Variants in KDR observed in about 807,000 individuals in gnomAD.
The protein encoded by KDR is kinase insert domain receptor.
KDR carries 43 observed loss-of-function variants against 160.9 expected under a neutral mutation model. The observed-to-expected ratio is 0.27, with a 90% CI of 0.21 to 0.34. The LOEUF (loss-of-function observed/expected upper bound fraction) is 0.34, where lower values mean the gene tolerates loss of function less well. Ranked by LOEUF, KDR falls within the 10% of genes least tolerant of loss-of-function variation. The probability of loss-of-function intolerance (pLI) is 1.00; values close to 1 mark genes in which losing one functional copy is unlikely to be tolerated. For missense variants in KDR, 1,469 were observed against 1,666.4 expected (o/e 0.88, Z 2.06); for synonymous variants, 617 against 600.1 (o/e 1.03, Z -0.41).
chr4:55,097,655 C>T lies in KDR; in HGVS notation c.2614+7G>A, dbSNP rs1480962229. On this transcript the variant is annotated splice_region_variant and intron_variant, in intron 18 of 29. Transcript: ENST00000263923. ...AAAGATAGATCACCACATAATTTTGCTTTTACCTTTCAACATTTTGACTGC... is the reference window on the plus strand; with the variant it reads ...AAAGATAGATCACCACATAATTTTGTTTTTACCTTTCAACATTTTGACTGC... The T allele has an allele frequency of 1.3e-6, 2 of 1,583,818 alleles. No homozygotes were observed. Among genetic ancestry groups the T allele is most frequent in the African/African-American group, 1.3e-5 (1 of 74,362 alleles).
intron 1 of KDR, among the ~76,000 whole-genome samples, chr4:55,124,148 TGTGA>T (rs946434449): frequency 2.0e-5 from 3 of 152,016 alleles, no homozygotes. Context: ...TGTATGTGGG[TGTGA>T]GTGTCTTCTA....
At chr4:55,122,304 T>C (rs919634426) in intron 1 of KDR, among the ~76,000 whole-genome samples, 3 of 152,170 alleles carry the variant, frequency 2.0e-5, no homozygotes, top group Admixed American at 2.0e-4. Context: ...TCCACTATGC[T>C]AGGGTCTTAA....
intron 29 of KDR, among the ~76,000 whole-genome samples, chr4:55,080,887 A>G (rs772859792): frequency 2.0e-5 from 3 of 152,224 alleles, no homozygotes; most frequent in Admixed American, 6.5e-5. Flanking sequence ...TCCCGGTAAT[A>G]GGTGTTTTCC....
At position 55,118,818 on chromosome 4, in the gene KDR, G is replaced by A. The variant is rs751730294; in HGVS notation, c.162-18C>T. 9 of 1,607,092 alleles carry A rather than the reference G, an allele frequency of 5.6e-6. No homozygotes were observed. The highest frequency in any genetic ancestry group is 7.7e-6 in the Non-Finnish European group (9 of 1,173,868). On this transcript the variant is annotated intron_variant, in intron 2 of 29. Transcript: ENST00000263923. ...TCTGTCCCCTGAAAAATTAATTTCA[G>A]GGAGGTATTAATATGAAGTGCCAGA...
chr4:55,115,897 TGGATC>T (rs1720723691), intron 3 of KDR, among the ~76,000 whole-genome samples: 1 of 152,340 alleles, frequency 6.6e-6, no homozygotes, highest in East Asian at 1.9e-4. Context: ...AATAAATGAA[TGGATC>T]CCAAAGGATC....
chr4:55,102,000 G>A lies in KDR; in HGVS notation c.2163C>T (p.Asn721=), dbSNP rs2110020722. The change falls in exon 15 of 30, where the codon AAC becomes AAT. Residue 721 remains asparagine (N), a synonymous_variant. Transcript: ENST00000263923. The part of the protein sequence containing the change: ...SGIVLKDGNR[N]LTIRRVRKED... ...CCTTCCTCACTCTGCGGATAGTGAGGTTCCGGTTCCCATCCTTCAATACAA... is the reference window on the plus strand; with the variant it reads ...CCTTCCTCACTCTGCGGATAGTGAGATTCCGGTTCCCATCCTTCAATACAA... The A allele has an allele frequency of 6.2e-7, 1 of 1,613,622 alleles. No homozygotes were observed. Among genetic ancestry groups the A allele is most frequent in the South Asian group, 1.1e-5 (1 of 91,078 alleles).
intron 22 of KDR, among the ~76,000 whole-genome samples, chr4:55,090,389 T>A (rs574942774): frequency 6.6e-6 from 1 of 152,318 alleles, no homozygotes; most frequent in South Asian, 2.1e-4. Context: ...ACATTCCTTT[T>A]ACCTGGCCCC....
chr4:55,113,245 A>C, intron 7 of KDR, 59 bp downstream of exon 7: 1 of 1,552,920 alleles, frequency 6.4e-7, no homozygotes. Flanking sequence ...AGTGACCTAA[A>C]TTTATTTAAA....
chr4:55,091,582 C>T (rs1278881828), intron 22 of KDR, among the ~76,000 whole-genome samples: 1 of 152,120 alleles, frequency 6.6e-6, no homozygotes, highest in African/African-American at 2.4e-5. Flanking sequence ...CCTCCTTCCC[C>T]TTGGGAGAGA....
rs142597120 is a variant in KDR, at chr4:55,098,180, A to G, written c.2466T>C (p.Tyr822=). The change falls in exon 17 of 30, where the codon TAT becomes TAC. Residue 822 remains tyrosine (Y), a synonymous_variant. Transcript: ENST00000263923. ...TGGGGAATTCCCATTTGCTGGCATC[A>G]TAAGGCAGTCGTTCACAATGTTCAT... ...PLDEHCERLP[Y]DASKWEFPRD... The G allele has an allele frequency of 4.7e-5, 76 of 1,614,002 alleles. 1 individual carries two copies. The African/African-American group carries it at 8.9e-4, about 19-fold the overall frequency.
chr4:55,102,458 T>C lies in KDR; in HGVS notation c.2038A>G (p.Ile680Val). 1 of 1,613,766 alleles carries C rather than the reference T, an allele frequency of 6.2e-7. No individual in the cohort carries two copies. The highest frequency in any genetic ancestry group is 8.5e-7 in the Non-Finnish European group (1 of 1,179,746). ...TGNLENQTTSIGESIEVSCTA... is the reference protein window; with the variant it reads ...TGNLENQTTSVGESIEVSCTA... ...CATGAGACTTCGATGCTTTCCCCAA[T>C]ACTTGTCGTCTGATTCTCCAGGTTT... The change falls in exon 14 of 30, where the codon ATT (isoleucine) becomes GTT (valine). Residue 680 changes from isoleucine to valine, a missense_variant. This residue lies in a region of KDR where 792 missense variants were observed against 840.9 expected (regional missense o/e 0.94). Coordinates refer to ENST00000263923, the MANE Select transcript of KDR (RefSeq NM_002253.4).
chr4:55,124,653 C>T (rs935370994), intron 1 of KDR, among the ~76,000 whole-genome samples: 1 of 151,316 alleles, frequency 6.6e-6, no homozygotes, highest in African/African-American at 2.4e-5. Context: ...CGGCGTCCTG[C>T]ACCAAGGAAG....
At position 55,088,874 on chromosome 4, in the gene KDR, A is replaced by G. The variant is rs2110010093; in HGVS notation, c.3504T>C (p.Ala1168=). ...EHLGNLLQAN[A]QQDGKDYIVL... ...TTGGATGGAGGTGACAAACCTGCTGAGCATTAGCTTGCAAGAGATTTCCCA... is the reference window on the plus strand; with the variant it reads ...TTGGATGGAGGTGACAAACCTGCTGGGCATTAGCTTGCAAGAGATTTCCCA... The change falls in exon 26 of 30, where the codon GCT becomes GCC. Residue 1168 remains alanine, a synonymous_variant. Coordinates refer to ENST00000263923, the MANE Select transcript of KDR (RefSeq NM_002253.4). 6.2e-7 allele frequency: 1 copy of G among 1,612,736 alleles called. No homozygotes were observed. The highest frequency in any genetic ancestry group is 1.1e-5 in the South Asian group (1 of 91,046).
chr4:55,103,730 T>C (rs1162565587), intron 13 of KDR, among the ~76,000 whole-genome samples: 7 of 151,920 alleles, frequency 4.6e-5, no homozygotes, highest in African/African-American at 1.7e-4. Context: ...CGTTACCCTC[T>C]AAAACTGTGG....
Position 55,095,929 on chromosome 4 carries a change from A to T in KDR, c.2729-264T>A, listed in dbSNP as rs112566564. ...CAGTGCAATCTCCTGATATGATTCCATTTTGGGGGTAACTACCCTTAAGCT... is the reference window on the plus strand; with the variant it reads ...CAGTGCAATCTCCTGATATGATTCCTTTTTGGGGGTAACTACCCTTAAGCT... On this transcript the variant is annotated intron_variant, in intron 19 of 29. Coordinates refer to ENST00000263923, the MANE Select transcript of KDR (RefSeq NM_002253.4). Among the ~76,000 whole-genome samples the T allele has an allele frequency of 8.2e-3, 1,246 of 152,218 alleles. 24 individuals are homozygous for T. The highest frequency in any genetic ancestry group is 0.029 in the African/African-American group (1,196 of 41,528).
At chr4:55,094,416 G>C (rs1240353256) in intron 21 of KDR, among the ~76,000 whole-genome samples, 1 of 152,122 alleles carries the variant, frequency 6.6e-6, no homozygotes, top group African/African-American at 2.4e-5. Flanking sequence ...TTTTGCACAG[G>C]TAAAGCATGC....
At chr4:55,111,792 T>C (rs1720590334) in intron 7 of KDR, among the ~76,000 whole-genome samples, 2 of 152,222 alleles carry the variant, frequency 1.3e-5, no homozygotes, top group African/African-American at 4.8e-5. Flanking sequence ...TTGCTAGGGA[T>C]GCCACGTGAC....
intron 1 of KDR, among the ~76,000 whole-genome samples, chr4:55,122,463 A>G (rs1578141839): frequency 6.6e-6 from 1 of 152,316 alleles, no homozygotes; most frequent in East Asian, 1.9e-4. Context: ...GAGAGTATGA[A>G]CAAATAGGAC....
chr4:55,082,125 C>T (rs1560511559), intron 28 of KDR, 84 bp from the exon 29 acceptor site: 15 of 941,632 alleles, frequency 1.6e-5, no homozygotes, highest in Non-Finnish European at 2.1e-5. Flanking sequence ...CTCAACCCAT[C>T]TATCATGTCT....
Sources: allele counts gnomAD v4.1 joint callset (sites outside exome capture counted in the v4.1 genomes callset), GRCh38; gene constraint gnomAD v4.1.1; regional missense constraint gnomAD v4.1.1; transcripts MANE v1.5; gene names NCBI Gene and HGNC (gene_info 2026-07-23, HGNC 2026-07-21).